The following COPE variants were observed in gnomAD, a reference collection of about 807,000 sequenced individuals.
COPE encodes coat protein complex I subunit epsilon.
COPE carries 19 observed loss-of-function variants against 42.1 expected under a neutral mutation model. The ratio of observed to expected loss-of-function variants is 0.45; its 90% confidence interval spans 0.31 to 0.66. COPE has a LOEUF of 0.66. Ranked by LOEUF, COPE falls within the 30% of genes least tolerant of loss-of-function variation. The probability of loss-of-function intolerance (pLI) is 0.05; values close to 1 mark genes in which losing one functional copy is unlikely to be tolerated. For synonymous variants in COPE, 195 were observed against 181.3 expected, an observed-to-expected ratio of 1.08 and a Z score of -0.60; for missense variants, 402 against 416.1, an observed-to-expected ratio of 0.97 and a Z score of 0.30.
At chr19:18,903,617 C>A (rs2056730314) in intron 6 of COPE, among the ~76,000 whole-genome samples, 194 bp from the exon 7 acceptor site, 1 of 152,184 alleles carries the variant, frequency 6.6e-6, no homozygotes, top group South Asian at 2.1e-4. Context: ...AGACTCGTGG[C>A]CGCCTCCTGC....
intron 4 of COPE, chr19:18,906,545 G>T: frequency 5.7e-6 from 1 of 174,906 alleles, no homozygotes; most frequent in Non-Finnish European, 1.2e-5. Context: ...GGGTGGAGGG[G>T]GGCACCAACC....
chr19:18,915,512 G>A (rs547636860), intron 1 of COPE, among the ~76,000 whole-genome samples: 36 of 152,298 alleles, frequency 2.4e-4, no homozygotes, highest in African/African-American at 6.7e-4. Flanking sequence ...GTGTGTCCCC[G>A]GGGTGGGAGA....
chr19:18,906,423 G>T (rs1015658846), intron 4 of COPE, among the ~76,000 whole-genome samples: 3 of 152,250 alleles, frequency 2.0e-5, no homozygotes, highest in African/African-American at 7.2e-5. Context: ...ACCATGAAAT[G>T]CCCAGCTTGC....
chr19:18,907,158 T>A lies in COPE; in HGVS notation c.291-46A>T, dbSNP rs376032669. On this transcript the variant is annotated intron_variant, in intron 3 of 9. Transcript: ENST00000262812. ...CGACCCACAGCTGGGGTGGCCTCTG[T>A]GGGACCTCAGAGGGTCCCCTTCCTT... 7.6e-6 allele frequency: 12 copies of A among 1,587,588 alleles called. No individual in the cohort carries two copies. In the African/African-American group the frequency reaches 1.2e-4, roughly 16 times the overall value.
Position 18,906,810 on chromosome 19 carries a change from GCTGGAGC to G in COPE, c.443+143_443+149del, listed in dbSNP as rs1450119582. 1.2e-5 allele frequency: 11 copies of G among 914,572 alleles called. No homozygotes were observed. In the East Asian group the frequency reaches 3.0e-4, roughly 25 times the overall value. 56.7% of individuals were successfully genotyped at this position (914,572 alleles called of 1,614,324 possible). On this transcript the variant is annotated intron_variant, in intron 4 of 9. Transcript: ENST00000262812. ...AGTGCCTCCCACACTGGGCAGGGGA[GCTGGAGC>G]CTGGACAGCAGGCCAGGGCCTCATT...
At chr19:18,918,188 A>C (rs1219986413) in intron 1 of COPE, among the ~76,000 whole-genome samples, 1 of 39,004 alleles carries the variant, frequency 2.6e-5, no homozygotes, top group Admixed American at 3.7e-4. Context: ...TCTCCATCTC[A>C]AAAAAAAAAA....
intron 1 of COPE, among the ~76,000 whole-genome samples, chr19:18,915,956 T>G (rs1403644416): frequency 6.6e-6 from 1 of 152,204 alleles, no homozygotes; most frequent in Non-Finnish European, 1.5e-5. Context: ...TGGGGCCACC[T>G]CAGGTGGGGC....
chr19:18,917,132 TG>T (rs1479428020), intron 1 of COPE, among the ~76,000 whole-genome samples: 2 of 150,848 alleles, frequency 1.3e-5, no homozygotes, highest in Admixed American at 6.6e-5. Context: ...CTCCCATCTC[TG>T]CTTCCATCAT....
At chr19:18,916,743 G>C (rs183282997) in intron 1 of COPE, among the ~76,000 whole-genome samples, 1 of 150,922 alleles carries the variant, frequency 6.6e-6, no homozygotes, top group African/African-American at 2.4e-5. Flanking sequence ...AGCTGAGATC[G>C]TGCCACTGCA....
At chr19:18,902,953 T>C (rs990808220) in intron 7 of COPE, among the ~76,000 whole-genome samples, 9 of 151,652 alleles carry the variant, frequency 5.9e-5, no homozygotes, top group African/African-American at 2.2e-4. Context: ...GTCTCTCCAA[T>C]ACTGAGTATG....
intron 1 of COPE, among the ~76,000 whole-genome samples, chr19:18,915,478 G>T (rs1415105247): frequency 6.6e-6 from 1 of 152,230 alleles, no homozygotes; most frequent in East Asian, 1.9e-4. Flanking sequence ...GACTTCCAGG[G>T]ACGATCCTAC....
intron 4 of COPE, chr19:18,906,040 CCCCCTCGT>C (rs1362204236): frequency 2.9e-5 from 12 of 410,984 alleles, no homozygotes; most frequent in African/African-American, 2.5e-4. Context: ...TCTCTGCAGG[CCCCCTCGT>C]CCCCTCATCC....
chr19:18,903,774 G>A (rs1214974091), intron 6 of COPE, among the ~76,000 whole-genome samples: 6 of 152,240 alleles, frequency 3.9e-5, no homozygotes, highest in African/African-American at 1.4e-4. Flanking sequence ...AGTCAGCTCT[G>A]TGACCAGCAG....
At chr19:18,916,712 C>T (rs920270472) in intron 1 of COPE, among the ~76,000 whole-genome samples, 2 of 151,742 alleles carry the variant, frequency 1.3e-5, no homozygotes, top group Non-Finnish European at 2.9e-5. Flanking sequence ...TGCTTGAACC[C>T]GGGAGGCAGA....
At position 18,907,129 on chromosome 19, in the gene COPE, C is replaced by G; in HGVS notation, c.291-17G>C. The G allele has an allele frequency of 6.2e-7, 1 of 1,608,036 alleles. No homozygotes were observed. Among genetic ancestry groups the G allele is most frequent in the Non-Finnish European group, 8.5e-7 (1 of 1,177,974 alleles). ...ATGCTGTCCCTGCAAGACAGAGATG[C>G]TCACGACCCACAGCTGGGGTGGCCT... On this transcript the variant is annotated splice_polypyrimidine_tract_variant and intron_variant, in intron 3 of 9. Transcript: ENST00000262812.
intron 7 of COPE, among the ~76,000 whole-genome samples, chr19:18,902,572 A>T (rs1164546586): frequency 6.7e-6 from 1 of 148,250 alleles, no homozygotes; most frequent in Non-Finnish European, 1.5e-5. Flanking sequence ...GGCTGAGGCA[A>T]AAGAATCACT....
intron 3 of COPE, 42 bp downstream of exon 3, chr19:18,910,929 A>C: frequency 6.4e-7 from 1 of 1,563,860 alleles, no homozygotes; most frequent in Non-Finnish European, 8.8e-7. Flanking sequence ...GGCCTTGAAG[A>C]TGGCCCCGCG....
chr19:18,905,601 T>C lies in COPE; in HGVS notation c.472A>G (p.Lys158Glu). The change falls in exon 5 of 10, where the codon AAG (lysine) becomes GAG (glutamate). Residue 158 changes from lysine to glutamate, a missense_variant. By Grantham distance (56) the Lys-to-Glu change is moderately conservative. Coordinates refer to ENST00000262812, the MANE Select transcript of COPE (RefSeq NM_007263.4). ...CGGGCGAGGTCCAGGCGGTCCAGCTTCAGCAGGATCTGCACTGTCATGGCT... is the reference window on the plus strand; with the variant it reads ...CGGGCGAGGTCCAGGCGGTCCAGCTCCAGCAGGATCTGCACTGTCATGGCT... Reference protein sequence around the residue: ...CTAMTVQILLKLDRLDLARKE... With the variant: ...CTAMTVQILLELDRLDLARKE... 1 of 1,593,420 alleles carries C rather than the reference T, an allele frequency of 6.3e-7. No individual in the cohort carries two copies. Among genetic ancestry groups the C allele is most frequent in the South Asian group, 1.1e-5 (1 of 89,312 alleles).
intron 1 of COPE, 41 bp from the exon 2 acceptor site, chr19:18,913,087 C>G (rs560580883): frequency 1.3e-5 from 20 of 1,549,812 alleles, no homozygotes; most frequent in Non-Finnish European, 1.8e-5. Context: ...AGTGGGAGGC[C>G]CAGCGCAGCC....
Sources: allele counts gnomAD v4.1 joint callset (sites outside exome capture counted in the v4.1 genomes callset), GRCh38; gene constraint gnomAD v4.1.1; transcripts MANE v1.5; gene names NCBI Gene and HGNC (gene_info 2026-07-23, HGNC 2026-07-21).